BACE2: variants seen among roughly 807,000 people sequenced by gnomAD.
BACE2 encodes the protein beta-secretase 2, also known as 56 kDa aspartic-like protease.
In BACE2, 17 loss-of-function variants were observed where a neutral mutation model predicts 46.2. That is an observed-to-expected ratio of 0.37 (90% CI 0.25 to 0.55). The LOEUF is 0.55. Among genes scored for constraint, BACE2 ranks in the 20% least tolerant of loss-of-function variants. The probability of loss-of-function intolerance (pLI) is 0.82; values close to 1 mark genes in which losing one functional copy is unlikely to be tolerated. For missense variants in BACE2, 595 were observed against 698.1 expected, an observed-to-expected ratio of 0.85 and a Z score of 1.66; for synonymous variants, 277 against 295.9, an observed-to-expected ratio of 0.94 and a Z score of 0.66.
At chr21:41,267,605 A>C (rs1329359590) in intron 8 of BACE2, among the ~76,000 whole-genome samples, 1 of 152,230 alleles carries the variant, frequency 6.6e-6, no homozygotes, top group East Asian at 1.9e-4. Context: ...GCTCATGTTT[A>C]AAAATAGCAG....
At chr21:41,185,746 C>G (rs536504739) in intron 1 of BACE2, among the ~76,000 whole-genome samples, 5 of 152,286 alleles carry the variant, frequency 3.3e-5, no homozygotes, top group Non-Finnish European at 7.4e-5. Context: ...CTCGCCAAAG[C>G]AGCTGTGCAC....
At chr21:41,201,745 G>C (rs780896317) in intron 1 of BACE2, among the ~76,000 whole-genome samples, 1 of 152,232 alleles carries the variant, frequency 6.6e-6, no homozygotes, top group Non-Finnish European at 1.5e-5. Context: ...AAATTATGTG[G>C]TGAAATGGGT....
In BACE2 at chr21:41,257,280, C is replaced by T. The variant is rs146415207; in HGVS notation, c.1257C>T (p.Phe419=). 27 of 1,614,008 alleles carry T rather than the reference C, an allele frequency of 1.7e-5. No homozygotes were observed. The African/African-American group carries it at 1.7e-4, about 10-fold the overall frequency. Residue 419 remains phenylalanine, a synonymous_variant, in exon 8 of 9, where the codon TTC becomes TTT. Transcript: ENST00000330333. ...TGATGGAGGGCTTCTACGTCATCTT[C>T]GACAGAGCCCAGAAGAGGGTGGGCT... ...ATVMEGFYVI[F]DRAQKRVGFA...
intron 1 of BACE2, among the ~76,000 whole-genome samples, chr21:41,207,110 C>A (rs993626253): frequency 6.6e-6 from 1 of 152,112 alleles, no homozygotes; most frequent in Admixed American, 6.5e-5. Context: ...GACATTACAC[C>A]TTTGATAAGA....
At chr21:41,234,238 A>G (rs574420152) in intron 2 of BACE2, among the ~76,000 whole-genome samples, 1 of 152,206 alleles carries the variant, frequency 6.6e-6, no homozygotes, top group East Asian at 1.9e-4. Flanking sequence ...TTCACCTTCC[A>G]CCATGATTGT....
intron 1 of BACE2, chr21:41,179,871 G>C (rs1483349449): frequency 2.6e-6 from 1 of 387,678 alleles, no homozygotes; most frequent in Non-Finnish European, 5.2e-6. Flanking sequence ...AGTTTACTGG[G>C]AGATGATCCC....
At chr21:41,206,471 G>A (rs8134302) in intron 1 of BACE2, among the ~76,000 whole-genome samples, 64,754 of 152,128 alleles carry the variant, frequency 0.43, 15,729 homozygotes, top group African/African-American at 0.65. Flanking sequence ...AAAGGAAGAC[G>A]GTTCTGGCAC....
rs145113710 is a variant in BACE2 at position 41,225,233 on chromosome 21, C to CAA, written c.313-1018_313-1017dup. On this transcript the variant is annotated intron_variant, in intron 1 of 8. Coordinates refer to ENST00000330333, the MANE Select transcript of BACE2 (RefSeq NM_012105.5). ...TGAACGATAGAGCGAGACTCCATCT[C>CAA]AAAAAAAAAAAAAAAATATCTAGTC... Among the ~76,000 whole-genome samples, 3 of 119,172 alleles carry CAA rather than the reference C, an allele frequency of 2.5e-5. No homozygotes were observed. The Admixed American group carries it at 2.6e-4, about 10-fold the overall frequency. 78.2% of individuals were successfully genotyped at this position (119,172 alleles called of 152,430 possible).
intron 1 of BACE2, among the ~76,000 whole-genome samples, chr21:41,203,342 A>G (rs1199751264): frequency 6.6e-6 from 1 of 152,084 alleles, no homozygotes; most frequent in Non-Finnish European, 1.5e-5. Context: ...GTGGGAGAGC[A>G]AGGTGCTTGG....
At chr21:41,227,219 A>G (rs926993325) in intron 2 of BACE2, among the ~76,000 whole-genome samples, 1 of 152,240 alleles carries the variant, frequency 6.6e-6, no homozygotes, top group Non-Finnish European at 1.5e-5. Flanking sequence ...AACGGACAGA[A>G]CAGGTAAATT....
chr21:41,262,270 G>A (rs1338283127), intron 8 of BACE2, among the ~76,000 whole-genome samples: 1 of 152,040 alleles, frequency 6.6e-6, no homozygotes. Flanking sequence ...TAAGTCTAGA[G>A]GCTTAATTAG....
intron 2 of BACE2, among the ~76,000 whole-genome samples, chr21:41,228,497 C>T (rs1986883463): frequency 1.3e-5 from 2 of 152,188 alleles, no homozygotes; most frequent in Admixed American, 1.3e-4. Context: ...GGCTCTCAGG[C>T]TGCTTCCAGT....
At chr21:41,192,394 T>C (rs1401865729) in intron 1 of BACE2, among the ~76,000 whole-genome samples, 1 of 152,140 alleles carries the variant, frequency 6.6e-6, no homozygotes, top group African/African-American at 2.4e-5. Context: ...ACCACTTCCA[T>C]TTGATGATGG....
intron 1 of BACE2, 129 bp from the exon 2 acceptor site, chr21:41,226,137 T>A: frequency 1.5e-6 from 1 of 674,666 alleles, no homozygotes; most frequent in South Asian, 1.9e-5. Flanking sequence ...TCCTCGTCAG[T>A]ATACTTTTTT....
At chr21:41,216,195 G>C (rs1206297800) in intron 1 of BACE2, among the ~76,000 whole-genome samples, 1 of 152,204 alleles carries the variant, frequency 6.6e-6, no homozygotes, top group Non-Finnish European at 1.5e-5. Flanking sequence ...TCCATTTCCA[G>C]TGTCACCACA....
chr21:41,234,270 A>G (rs1002260316), intron 2 of BACE2, among the ~76,000 whole-genome samples: 3 of 152,194 alleles, frequency 2.0e-5, no homozygotes, highest in Non-Finnish European at 4.4e-5. Context: ...AGCCACGTAG[A>G]ATTGTGAGCC....
intron 3 of BACE2, among the ~76,000 whole-genome samples, chr21:41,241,139 T>C (rs921144905): frequency 6.6e-6 from 1 of 152,166 alleles, no homozygotes; most frequent in African/African-American, 2.4e-5. Context: ...CGCTTCCCTT[T>C]GAGTCTCTCT....
At chr21:41,243,567 A>G in intron 5 of BACE2, 57 bp downstream of exon 5, 1 of 1,506,208 alleles carries the variant, frequency 6.6e-7, no homozygotes, top group Non-Finnish European at 8.9e-7. Context: ...TCCCTTAAAT[A>G]TGCCAGCTGG....
chr21:41,258,296 T>C (rs998198888), intron 8 of BACE2, among the ~76,000 whole-genome samples: 3 of 152,166 alleles, frequency 2.0e-5, no homozygotes, highest in African/African-American at 7.2e-5. Context: ...TGGGAATCGA[T>C]AGGGAAATAC....
Sources: allele counts gnomAD v4.1 joint callset (sites outside exome capture counted in the v4.1 genomes callset), GRCh38; gene constraint gnomAD v4.1.1; transcripts MANE v1.5; gene names NCBI Gene and HGNC (gene_info 2026-07-23, HGNC 2026-07-21).